TRAF3IP2: variants seen among roughly 807,000 people sequenced by gnomAD.
TRAF3IP2 encodes TRAF3 interacting protein 2, also known as E3 ubiquitin ligase TRAF3IP2.
Under a neutral mutation model 57.9 loss-of-function variants are expected in TRAF3IP2, and 35 were observed. That is an observed-to-expected ratio of 0.60 (90% CI 0.46 to 0.80). The LOEUF (loss-of-function observed/expected upper bound fraction) is 0.80. Among genes scored for constraint, TRAF3IP2 ranks in the 30% least tolerant of loss-of-function variants. The pLI is 0.00. For missense variants in TRAF3IP2, 556 were observed against 706.4 expected (o/e 0.79, Z 2.41); for synonymous variants, 251 against 268.9 (o/e 0.93, Z 0.65).
In TRAF3IP2 at chr6:111,557,726, T is replaced by G. The variant is rs1795294020; in HGVS notation, c.*1679A>C. 1 of 151,286 alleles carries G rather than the reference T, an allele frequency of 6.6e-6. No individual in the cohort carries two copies. The highest frequency in any genetic ancestry group is 2.4e-5 in the African/African-American group (1 of 41,232). The allele number at this position is 151,286 out of a possible 1,614,324, so 9.4% of individuals were successfully genotyped here. A position where few individuals can be genotyped will look rare whatever the true frequency, so the allele number is the denominator to read the frequency against. The stretch of plus-strand genomic sequence containing the variant: ...ATTACAGGCGTGAGAAGATATTTTT[T>G]AAAAGAGGAAAATGTTGGCTGGGTG... On this transcript the variant is annotated 3_prime_UTR_variant, in exon 9 of 9. Transcript: ENST00000368761.
chr6:111,593,503 C>G (rs373935466), intron 1 of TRAF3IP2, among the ~76,000 whole-genome samples: 1 of 152,182 alleles, frequency 6.6e-6, no homozygotes, highest in Admixed American at 6.5e-5. Flanking sequence ...ATATACTTAA[C>G]AGCCTACAGA....
intron 8 of TRAF3IP2, among the ~76,000 whole-genome samples, chr6:111,561,986 C>T (rs1057445345): frequency 6.6e-6 from 1 of 152,208 alleles, no homozygotes; most frequent in Admixed American, 6.5e-5. Flanking sequence ...TTCCCATAAA[C>T]TGGAGCCTCC....
chr6:111,603,069 GCACACACAAGGTGTGCA>G (rs1796919796), intron 1 of TRAF3IP2, among the ~76,000 whole-genome samples: 1 of 143,980 alleles, frequency 6.9e-6, no homozygotes, highest in African/African-American at 2.6e-5. Flanking sequence ...GAAGGTCTGT[GCACACACAAGGTGTGCA>G]CACACACACA....
intron 1 of TRAF3IP2, among the ~76,000 whole-genome samples, chr6:111,603,111 C>A (rs2128386743): frequency 7.0e-6 from 1 of 142,820 alleles, no homozygotes; most frequent in African/African-American, 2.6e-5. Flanking sequence ...CACACACACA[C>A]AAGGCGTGCA....
At chr6:111,563,376 T>C (rs374702746) in intron 7 of TRAF3IP2, among the ~76,000 whole-genome samples, 1 of 152,082 alleles carries the variant, frequency 6.6e-6, no homozygotes. Context: ...CACTGATAGC[T>C]TGAAATTGGC....
At chr6:111,582,476 G>A (rs1796197411) in intron 2 of TRAF3IP2, among the ~76,000 whole-genome samples, 1 of 152,146 alleles carries the variant, frequency 6.6e-6, no homozygotes, top group Non-Finnish European at 1.5e-5. Context: ...TTCTCAGAAT[G>A]GAAGACAGGC....
At chr6:111,575,316 C>T (rs1305310740) in intron 4 of TRAF3IP2, among the ~76,000 whole-genome samples, 1 of 151,982 alleles carries the variant, frequency 6.6e-6, no homozygotes, top group African/African-American at 2.4e-5. Flanking sequence ...TGGCCGGGTG[C>T]GGTGGCTCAC....
chr6:111,593,553 A>G (rs1161492216), intron 1 of TRAF3IP2, among the ~76,000 whole-genome samples: 1 of 152,160 alleles, frequency 6.6e-6, no homozygotes, highest in East Asian at 1.9e-4. Context: ...ATGCTCTTTG[A>G]CAGTCTTCTC....
intron 5 of TRAF3IP2, among the ~76,000 whole-genome samples, chr6:111,568,109 TGA>T (rs1386558623): frequency 6.6e-6 from 1 of 152,174 alleles, no homozygotes; most frequent in Non-Finnish European, 1.5e-5. Flanking sequence ...TACAAGTAAC[TGA>T]GATACAATTG....
chr6:111,591,548 C>T lies in TRAF3IP2; in HGVS notation c.539G>A (p.Arg180Gln), dbSNP rs759365223. ...SLGGSQEMVQ[R>Q]PQPHRNRAGL... ...TGCTCGGTTCCTGTGAGGCTGGGGC[C>T]GTTGCACCATCTCCTGGCTACCGCC... Residue 180 changes from arginine (R) to glutamine (Q), a missense_variant, in exon 2 of 9, where the codon CGG becomes CAG. Around this residue, in one of 2 missense-constraint regions of TRAF3IP2, gnomAD observed 428 missense variants for 498.7 expected, o/e 0.86. Coordinates refer to ENST00000368761, the MANE Select transcript of TRAF3IP2 (RefSeq NM_147686.4). The surrounding 1 kb of genome is among the most constrained non-coding windows in gnomAD (Gnocchi z 4.9). 6 of 1,614,174 alleles carry T rather than the reference C, an allele frequency of 3.7e-6. No homozygotes were observed. The highest frequency in any genetic ancestry group is 3.3e-5 in the Admixed American group (2 of 60,028).
chr6:111,560,540 G>A (rs929441007), intron 8 of TRAF3IP2, among the ~76,000 whole-genome samples: 1 of 152,238 alleles, frequency 6.6e-6, no homozygotes, highest in Admixed American at 6.5e-5. Flanking sequence ...GCATCATACT[G>A]AGTACTGAGG....
At chr6:111,571,178 C>CA (rs1795818378) in intron 5 of TRAF3IP2, among the ~76,000 whole-genome samples, 2 of 151,056 alleles carry the variant, frequency 1.3e-5, no homozygotes, top group African/African-American at 4.9e-5. Flanking sequence ...AGGGTTCAAG[C>CA]AATTCTCCTG....
intron 1 of TRAF3IP2, among the ~76,000 whole-genome samples, chr6:111,596,051 C>A (rs1796681999): frequency 6.6e-6 from 1 of 152,136 alleles, no homozygotes; most frequent in Non-Finnish European, 1.5e-5. Flanking sequence ...GGCTTCCTTT[C>A]TCCTTCAGGT....
intron 2 of TRAF3IP2, among the ~76,000 whole-genome samples, chr6:111,585,231 A>G (rs1488363595): frequency 6.6e-6 from 1 of 152,162 alleles, no homozygotes; most frequent in Non-Finnish European, 1.5e-5. Context: ...AATTCCATGA[A>G]AACAAGGACG....
At chr6:111,564,596 G>A (rs1795562405) in intron 7 of TRAF3IP2, among the ~76,000 whole-genome samples, 1 of 152,180 alleles carries the variant, frequency 6.6e-6, no homozygotes. Flanking sequence ...AGGGTTTTCT[G>A]TTGCCTAGAG....
intron 2 of TRAF3IP2, among the ~76,000 whole-genome samples, chr6:111,581,027 G>A (rs1796147494): frequency 6.6e-6 from 1 of 152,224 alleles, no homozygotes. Context: ...GAAGAGGGCT[G>A]GGCTCAGAGC....
chr6:111,569,173 C>A (rs577770155), intron 5 of TRAF3IP2, among the ~76,000 whole-genome samples: 2 of 152,176 alleles, frequency 1.3e-5, no homozygotes, highest in African/African-American at 2.4e-5. Flanking sequence ...CTCTTGAGAA[C>A]GCTTTTGTAG....
chr6:111,578,659 A>T (rs1157349426), intron 3 of TRAF3IP2, among the ~76,000 whole-genome samples: 1 of 152,186 alleles, frequency 6.6e-6, no homozygotes, highest in Admixed American at 6.5e-5. Context: ...AAGAGAGAAA[A>T]AAAGAGATCT....
rs1583229984 is a variant in TRAF3IP2, at chr6:111,580,077, T to C, written c.1022+120A>G. On this transcript the variant is annotated intron_variant, in intron 3 of 8. Coordinates refer to ENST00000368761, the MANE Select transcript of TRAF3IP2 (RefSeq NM_147686.4). ...AAAGTCTATATTGGGCATTCCACTA[T>C]GTGACTTGCTCACTAACGTGGGTTA... The C allele has an allele frequency of 5.1e-6, 6 of 1,166,482 alleles. No individual in the cohort carries two copies. The East Asian group carries it at 1.0e-4, about 20-fold the overall frequency. The allele number at this position is 1,166,482 out of a possible 1,614,324, so 72.3% of individuals were successfully genotyped here. A position where few individuals can be genotyped will look rare whatever the true frequency, so the allele number is the denominator to read the frequency against.
Sources: allele counts gnomAD v4.1 joint callset (sites outside exome capture counted in the v4.1 genomes callset), GRCh38; gene constraint gnomAD v4.1.1; regional missense constraint gnomAD v4.1.1; non-coding constraint Gnocchi (gnomAD v3.1); transcripts MANE v1.5; gene names NCBI Gene and HGNC (gene_info 2026-07-23, HGNC 2026-07-21).